Variants in KIF26A observed in about 807,000 individuals in gnomAD.
KIF26A encodes kinesin-like protein KIF26A.
Under a neutral mutation model 126.0 loss-of-function variants are expected in KIF26A, and 74 were observed. That is an observed-to-expected ratio of 0.59 (90% CI 0.49 to 0.71). The LOEUF is 0.71. Ranked by LOEUF, KIF26A falls within the 30% of genes least tolerant of loss-of-function variation. KIF26A has a pLI of 0.00. For missense variants in KIF26A, 2,984 were observed against 2,763.3 expected (o/e 1.08, Z -1.79); for synonymous variants, 1,445 against 1,232.7 (o/e 1.17, Z -3.61).
chr14:104,157,656 C>A, intron 3 of KIF26A, 99 bp from the exon 4 acceptor site: 3 of 1,311,240 alleles, frequency 2.3e-6, no homozygotes, highest in Non-Finnish European at 3.1e-6. Context: ...ATGTGCTGGG[C>A]TCTGGGGTGC....
chr14:104,156,479 A>G (rs1264483845), intron 3 of KIF26A, among the ~76,000 whole-genome samples: 1 of 152,104 alleles, frequency 6.6e-6, no homozygotes. Context: ...GCTGGTGCCT[A>G]GGGCCCAGGG....
chr14:104,144,310 C>A (rs1320307124), intron 2 of KIF26A, among the ~76,000 whole-genome samples: 1 of 151,874 alleles, frequency 6.6e-6, no homozygotes, highest in Non-Finnish European at 1.5e-5. Flanking sequence ...AGCTTTATGT[C>A]GGGGCAGGGA....
At position 104,179,451 on chromosome 14, in the gene KIF26A, C is replaced by T. The variant is rs931442958; in HGVS notation, c.5467+65C>T. 7.6e-6 allele frequency: 11 copies of T among 1,444,086 alleles called. 2 individuals are homozygous for T. The highest frequency in any genetic ancestry group is 5.7e-5 in the African/African-American group (4 of 70,122). The allele number at this position is 1,444,086 out of a possible 1,614,324, so 89.5% of individuals were successfully genotyped here. On this transcript the variant is annotated intron_variant, in intron 14 of 14. Coordinates refer to ENST00000423312, the MANE Select transcript of KIF26A (RefSeq NM_015656.2). ...TGTGCCCTGACAGCTGCCCTCCCCTCCCAGAGCCCTGTTGCTCTCCTGTAC... is the reference window on the plus strand; with the variant it reads ...TGTGCCCTGACAGCTGCCCTCCCCTTCCAGAGCCCTGTTGCTCTCCTGTAC...
At chr14:104,160,095 T>G (rs2037819546) in intron 4 of KIF26A, among the ~76,000 whole-genome samples, 1 of 152,028 alleles carries the variant, frequency 6.6e-6, no homozygotes, top group African/African-American at 2.4e-5. Flanking sequence ...AAGTTTCCAG[T>G]CTGGAGGGAC....
At chr14:104,179,444 C>T in intron 14 of KIF26A, 58 bp downstream of exon 14, 1 of 1,448,402 alleles carries the variant, frequency 6.9e-7, no homozygotes, top group Non-Finnish European at 9.1e-7. Flanking sequence ...GACAGCTGCC[C>T]TCCCCTCCCA....
At position 104,148,857 on chromosome 14, in the gene KIF26A, A is replaced by C. The variant is rs2037702826; in HGVS notation, c.289-3158A>C. Among the ~76,000 whole-genome samples the C allele has an allele frequency of 6.6e-6, 1 of 152,030 alleles. No homozygotes were observed. Among genetic ancestry groups the C allele is most frequent in the South Asian group, 2.1e-4 (1 of 4,812 alleles). On this transcript the variant is annotated intron_variant, in intron 2 of 14. Coordinates refer to ENST00000423312, the MANE Select transcript of KIF26A (RefSeq NM_015656.2). The surrounding 1 kb of genome is among the most constrained non-coding windows in gnomAD (Gnocchi z 4.3). ...GCGGCCTCCCTGAGCCCCTCCCTGG[A>C]GCCCTGAGTGCTGGTCCCGTGTGCT...
rs2037700451 is a variant in KIF26A, at chr14:104,148,582, T to G, written c.289-3433T>G. On this transcript the variant is annotated intron_variant, in intron 2 of 14. Coordinates refer to ENST00000423312, the MANE Select transcript of KIF26A (RefSeq NM_015656.2). The surrounding 1 kb of genome is among the most constrained non-coding windows in gnomAD (Gnocchi z 4.3). ...GGAGGCCTGGTCCCACTGCCCAGCCTGTGCAGAGGTTGGAAGGTGCAGGAA... is the reference window on the plus strand; with the variant it reads ...GGAGGCCTGGTCCCACTGCCCAGCCGGTGCAGAGGTTGGAAGGTGCAGGAA... Among the ~76,000 whole-genome samples the G allele has an allele frequency of 6.7e-6, 1 of 148,302 alleles. No individual in the cohort carries two copies. Among genetic ancestry groups the G allele is most frequent in the Non-Finnish European group, 1.5e-5 (1 of 67,160 alleles).
intron 2 of KIF26A, among the ~76,000 whole-genome samples, chr14:104,146,257 G>T (rs927921576): frequency 1.3e-5 from 2 of 152,202 alleles, no homozygotes; most frequent in Non-Finnish European, 2.9e-5. Context: ...GAGTGTCTGG[G>T]TGTTGGGATG....
At chr14:104,172,703 C>G in intron 7 of KIF26A, 35 bp downstream of exon 7, 1 of 1,480,856 alleles carries the variant, frequency 6.8e-7, no homozygotes, top group Non-Finnish European at 9.4e-7. Context: ...ATGGGTCCTG[C>G]TGGCCACCCC....
intron 5 of KIF26A, among the ~76,000 whole-genome samples, chr14:104,168,778 G>T (rs1328507636): frequency 1.3e-5 from 2 of 152,234 alleles, no homozygotes; most frequent in Admixed American, 6.5e-5. Flanking sequence ...AAGGCCCGGG[G>T]GCAGGGGAAG....
intron 7 of KIF26A, 113 bp downstream of exon 7, chr14:104,172,781 C>T (rs2037972762): frequency 9.4e-7 from 1 of 1,067,762 alleles, no homozygotes; most frequent in South Asian, 1.5e-5. Flanking sequence ...TACACATGGG[C>T]CGTGGTGGGC....
At chr14:104,150,321 G>A (rs1487895017) in intron 2 of KIF26A, among the ~76,000 whole-genome samples, 1 of 151,428 alleles carries the variant, frequency 6.6e-6, no homozygotes, top group Non-Finnish European at 1.5e-5. Context: ...GACCAGACGC[G>A]CCAGGCACTT....
chr14:104,147,120 G>T (rs1299099213), intron 2 of KIF26A, among the ~76,000 whole-genome samples: 1 of 152,134 alleles, frequency 6.6e-6, no homozygotes, highest in South Asian at 2.1e-4. Context: ...GTGACCCCCA[G>T]GCCCCTGCAG....
intron 13 of KIF26A, 114 bp from the exon 14 acceptor site, chr14:104,179,122 T>C (rs764792984): frequency 8.1e-7 from 1 of 1,232,932 alleles, no homozygotes; most frequent in Non-Finnish European, 1.1e-6. Context: ...GGAGCCCCAC[T>C]GTGTGCCTGC....
chr14:104,155,244 G>A (rs571671460), intron 3 of KIF26A, among the ~76,000 whole-genome samples: 4 of 152,108 alleles, frequency 2.6e-5, no homozygotes, highest in Non-Finnish European at 5.9e-5. Context: ...TGTCTTTCAC[G>A]GGCCAGAACC....
At position 104,158,038 on chromosome 14, in the gene KIF26A, C is replaced by T. The variant is rs890812294; in HGVS notation, c.923+96C>T. On this transcript the variant is annotated intron_variant, in intron 4 of 14. Coordinates refer to ENST00000423312, the MANE Select transcript of KIF26A (RefSeq NM_015656.2). ...CCTATGGGCCGTTCTTGGGGGACCT[C>T]GGGCATGCTTGCTGCTGAGACGAGT... 7.6e-6 allele frequency: 9 copies of T among 1,185,274 alleles called. No individual in the cohort carries two copies. The Admixed American group carries it at 1.7e-4, about 22-fold the overall frequency. 73.4% of individuals were successfully genotyped at this position (1,185,274 alleles called of 1,614,324 possible).
intron 4 of KIF26A, among the ~76,000 whole-genome samples, chr14:104,165,988 G>A (rs894745025): frequency 7.2e-5 from 11 of 152,158 alleles, no homozygotes; most frequent in African/African-American, 2.7e-4. Flanking sequence ...TGTGGTCCGG[G>A]GGCTTTGGGA....
intron 2 of KIF26A, among the ~76,000 whole-genome samples, chr14:104,140,214 T>C (rs543824504): frequency 5.3e-5 from 8 of 152,072 alleles, no homozygotes; most frequent in Non-Finnish European, 8.8e-5. Flanking sequence ...GTCTGGTTTC[T>C]GTCCTGGGCA....
rs370019847 is a variant in KIF26A at position 104,175,036 on chromosome 14, C to T, written c.2248C>T (p.Arg750Trp). ...ESSCEEGRAR[R>W]PPHLRPFHPR... ...CTCCTGTGAGGAAGGCCGGGCCCGT[C>T]GGCCCCCGCACCTGCGGCCCTTCCA... The change falls in exon 12 of 15, where the codon CGG becomes TGG. Residue 750 changes from arginine (R) to tryptophan (W), a missense_variant. Transcript: ENST00000423312. 119 of 1,565,676 alleles carry T rather than the reference C, an allele frequency of 7.6e-5. No homozygotes were observed. The highest frequency in any genetic ancestry group is 9.2e-5 in the Non-Finnish European group (107 of 1,158,870).
Sources: gnomAD v4.1 joint callset for allele counts (sites outside exome capture counted in the v4.1 genomes callset) on GRCh38, gnomAD v4.1.1 for gene constraint, Gnocchi (gnomAD v3.1) non-coding constraint, MANE v1.5 for transcripts, NCBI Gene and HGNC (gene_info 2026-07-23, HGNC 2026-07-21) for gene names.